COL10A1: variants seen among roughly 807,000 people sequenced by gnomAD.
COL10A1 encodes the protein collagen type X alpha 1 chain, also known as collagen alpha-1(X) chain.
Under a neutral mutation model 18.2 loss-of-function variants are expected in COL10A1, and 10 were observed. That is an observed-to-expected ratio of 0.55 (90% confidence interval 0.34 to 0.93). The LOEUF (loss-of-function observed/expected upper bound fraction) is 0.93. COL10A1 is among the 40% of genes least tolerant of loss of function. COL10A1 has a pLI of 0.02. For synonymous variants in COL10A1, 330 were observed against 316.6 expected (o/e 1.04, Z -0.45); for missense variants, 897 against 853.5 (o/e 1.05, Z -0.64).
chr6:116,152,619 T>A, intron 1 of COL10A1, among the ~76,000 whole-genome samples: 1 of 152,300 alleles, frequency 6.6e-6, no homozygotes, highest in East Asian at 1.9e-4. Context: ...ATTTAACCCC[T>A]TAACATAATG....
At chr6:116,180,584 T>A in the COL10A1 span, among the ~76,000 whole-genome samples, 3 of 152,200 alleles carry the variant, frequency 2.0e-5, no homozygotes, top group African/African-American at 7.2e-5. Context: ...TTGTGCCTCA[T>A]GATGTGATGC....
Position 116,118,990 on chromosome 6 carries a change from G to C in COL10A1, c.*1083C>G, listed in dbSNP as rs1485371369. 6.6e-6 allele frequency: 1 copy of C among 152,498 alleles called. No homozygotes were observed. The highest frequency in any genetic ancestry group is 2.4e-5 in the African/African-American group (1 of 41,436). The allele number at this position is 152,498 out of a possible 1,614,324, so 9.4% of individuals were successfully genotyped here. On this transcript the variant is annotated 3_prime_UTR_variant, in exon 3 of 3. Coordinates refer to ENST00000651968, the MANE Select transcript of COL10A1 (RefSeq NM_000493.4). ...AGCCTTGAAAGAATGGTTGAGAACA[G>C]CAAATTGCTGCTTTCAAATTAATTC...
chr6:116,208,092 C>A, the COL10A1 span, among the ~76,000 whole-genome samples: 1 of 151,944 alleles, frequency 6.6e-6, no homozygotes, highest in Non-Finnish European at 1.5e-5. Context: ...TTCCTTAAGA[C>A]ATTGATAGTT....
the COL10A1 span, among the ~76,000 whole-genome samples, chr6:116,178,567 A>G: frequency 6.6e-6 from 1 of 152,256 alleles, no homozygotes; most frequent in Non-Finnish European, 1.5e-5. Context: ...GTCAGCTGGT[A>G]TGTGAAAGCC....
At chr6:116,214,382 C>G in the COL10A1 span, among the ~76,000 whole-genome samples, 1 of 152,076 alleles carries the variant, frequency 6.6e-6, no homozygotes, top group Non-Finnish European at 1.5e-5. Flanking sequence ...CAGATTTGAG[C>G]ATTTTTATCA....
At chr6:116,209,170 A>G in the COL10A1 span, among the ~76,000 whole-genome samples, 1 of 152,026 alleles carries the variant, frequency 6.6e-6, no homozygotes, top group African/African-American at 2.4e-5. Flanking sequence ...ACATATCAGG[A>G]TTCAGCAAAC....
intron 1 of COL10A1, among the ~76,000 whole-genome samples, chr6:116,148,963 A>G (rs1779965768): frequency 6.6e-6 from 1 of 152,214 alleles, no homozygotes; most frequent in African/African-American, 2.4e-5. Flanking sequence ...TAATCTCTAG[A>G]AATATACTAA....
the COL10A1 span, among the ~76,000 whole-genome samples, chr6:116,172,410 C>T: frequency 1.3e-5 from 2 of 150,890 alleles, no homozygotes; most frequent in South Asian, 4.2e-4. Flanking sequence ...CAACCTCTAC[C>T]TCCCGGGTTC....
At chr6:116,136,120 C>T (rs181935583) in intron 1 of COL10A1, among the ~76,000 whole-genome samples, 1 of 152,094 alleles carries the variant, frequency 6.6e-6, no homozygotes, top group Admixed American at 6.6e-5. Flanking sequence ...TTGGCAGCCA[C>T]CATTCTACTC....
At chr6:116,165,917 A>T in the COL10A1 span, among the ~76,000 whole-genome samples, 1 of 152,166 alleles carries the variant, frequency 6.6e-6, no homozygotes, top group African/African-American at 2.4e-5. Context: ...ATGAATGCAC[A>T]ACCAGTATGG....
At chr6:116,194,250 G>A in the COL10A1 span, among the ~76,000 whole-genome samples, 1 of 152,138 alleles carries the variant, frequency 6.6e-6, no homozygotes, top group South Asian at 2.1e-4. Context: ...TCTTTCAAAT[G>A]ACGGAGTTTA....
the COL10A1 span, among the ~76,000 whole-genome samples, chr6:116,181,290 T>C: frequency 6.6e-6 from 1 of 152,020 alleles, no homozygotes; most frequent in Non-Finnish European, 1.5e-5. Flanking sequence ...CAATGTAATA[T>C]AGATACAAAA....
At chr6:116,139,687 A>T (rs1779714986) in intron 1 of COL10A1, among the ~76,000 whole-genome samples, 1 of 152,160 alleles carries the variant, frequency 6.6e-6, no homozygotes, top group Non-Finnish European at 1.5e-5. Context: ...CATGTGGGTC[A>T]TGTTATGAGC....
upstream of COL10A1, among the ~76,000 whole-genome samples, chr6:116,127,317 A>C (rs971655135): frequency 1.3e-5 from 2 of 152,154 alleles, no homozygotes; most frequent in Non-Finnish European, 2.9e-5. Flanking sequence ...ATAGCCCTTT[A>C]TGGAAATGTA....
At chr6:116,142,931 A>G (rs9488850) in intron 1 of COL10A1, among the ~76,000 whole-genome samples, 3 of 152,116 alleles carry the variant, frequency 2.0e-5, no homozygotes, top group Non-Finnish European at 4.4e-5. Flanking sequence ...GCAAAATCCA[A>G]AAATCTGGAT....
chr6:116,125,484 T>TCAA lies in COL10A1; in HGVS notation c.8_9insTTG (p.Pro3_Gln4insTer). 1 of 1,613,838 alleles carries TCAA rather than the reference T, an allele frequency of 6.2e-7. No individual in the cohort carries two copies. Among genetic ancestry groups the TCAA allele is most frequent in the Non-Finnish European group, 8.5e-7 (1 of 1,179,798 alleles). ...ATACTAGCAGCAAAAAGGGTATTTGTGGCAGCATATTCTCAGATGGATTCT... is the reference window on the plus strand; with the variant it reads ...ATACTAGCAGCAAAAAGGGTATTTGTCAAGGCAGCATATTCTCAGATGGATTCT... On this transcript the variant is annotated stop_gained and inframe_insertion, in exon 2 of 3. Transcript: ENST00000651968. LOFTEE classifies it high-confidence loss of function.
chr6:116,180,054 A>G, the COL10A1 span, among the ~76,000 whole-genome samples: 36 of 152,228 alleles, frequency 2.4e-4, no homozygotes, highest in Admixed American at 1.6e-3. Context: ...GGTGTTCTCT[A>G]TAACTGTGTT....
intron 1 of COL10A1, chr6:116,145,541 TG>T: frequency 3.6e-6 from 1 of 280,130 alleles, no homozygotes. Flanking sequence ...ACTCCTGTCC[TG>T]CTATTGTCAT....
intron 1 of COL10A1, among the ~76,000 whole-genome samples, chr6:116,136,787 G>C (rs993923210): frequency 3.3e-5 from 5 of 152,104 alleles, no homozygotes; most frequent in Non-Finnish European, 1.5e-5. Flanking sequence ...CAACGGTTTG[G>C]AATCTGTTAC....
Sources: gnomAD v4.1 joint callset for allele counts (sites outside exome capture counted in the v4.1 genomes callset) on GRCh38, gnomAD v4.1.1 for gene constraint, MANE v1.5 for transcripts, NCBI Gene and HGNC (gene_info 2026-07-23, HGNC 2026-07-21) for gene names.